AKT3: variants seen among roughly 807,000 people sequenced by gnomAD.
The protein encoded by AKT3 is AKT serine/threonine kinase 3.
In AKT3, 15 loss-of-function variants were observed where a neutral mutation model predicts 65.3. That is an observed-to-expected ratio of 0.23 (90% CI 0.15 to 0.35). AKT3 has a LOEUF of 0.35. Among genes scored for constraint, AKT3 ranks in the 10% least tolerant of loss-of-function variants. The probability of loss-of-function intolerance (pLI) is 1.00; values close to 1 mark genes in which losing one functional copy is unlikely to be tolerated. For missense variants in AKT3, 243 were observed against 576.5 expected (o/e 0.42, Z 5.92); for synonymous variants, 206 against 183.8 (o/e 1.12, Z -0.98).
intron 6 of AKT3, among the ~76,000 whole-genome samples, chr1:243,628,293 T>C (rs1409723797): frequency 2.6e-5 from 4 of 152,058 alleles, no homozygotes; most frequent in East Asian, 1.9e-4. Context: ...CCATATTCAA[T>C]AGAAGAAAAC....
intron 8 of AKT3, among the ~76,000 whole-genome samples, chr1:243,585,972 T>G (rs1675770506): frequency 6.6e-6 from 1 of 152,182 alleles, no homozygotes; most frequent in South Asian, 2.1e-4. Flanking sequence ...AAAATATTCA[T>G]AAACTATCTG....
intron 2 of AKT3, among the ~76,000 whole-genome samples, chr1:243,742,528 G>A (rs1186631979): frequency 2.0e-5 from 3 of 152,156 alleles, no homozygotes; most frequent in African/African-American, 4.8e-5. Flanking sequence ...GGGAGGCTGA[G>A]GCAGGATAAT....
intron 2 of AKT3, among the ~76,000 whole-genome samples, chr1:243,803,141 A>T (rs1370645028): frequency 6.6e-6 from 1 of 152,180 alleles, no homozygotes. Flanking sequence ...CCCTGTCTCA[A>T]TAATTTTTTT....
At position 243,711,179 on chromosome 1, in the gene AKT3, T is replaced by A. The variant is rs138384432; in HGVS notation, c.47-15463A>T. The stretch of plus-strand genomic sequence containing the variant: ...ACTAAAAATACAAAAATTAGCCAGG[T>A]GTGGTGGCACGTGCCTGTAGTCCCA... On this transcript the variant is annotated intron_variant, in intron 2 of 13. Transcript: ENST00000673466. 5.3e-5 allele frequency among the ~76,000 whole-genome samples: 8 copies of A among 151,878 alleles called. No homozygotes were observed. In the East Asian group the frequency reaches 1.6e-3, roughly 30 times the overall value.
intron 13 of AKT3, among the ~76,000 whole-genome samples, chr1:243,508,952 G>A (rs1337625280): frequency 6.6e-6 from 1 of 152,022 alleles, no homozygotes; most frequent in African/African-American, 2.4e-5. Context: ...GATTACAGGT[G>A]TGCACCACTG....
intron 2 of AKT3, among the ~76,000 whole-genome samples, chr1:243,746,873 T>C (rs1336626641): frequency 6.7e-6 from 1 of 150,046 alleles, no homozygotes; most frequent in African/African-American, 2.4e-5. Flanking sequence ...TGGAGAATTC[T>C]TATTGTCATG....
chr1:243,570,768 T>A (rs775039502), intron 9 of AKT3, among the ~76,000 whole-genome samples: 4 of 152,238 alleles, frequency 2.6e-5, no homozygotes, highest in Admixed American at 1.3e-4. Context: ...TGGATTTTTC[T>A]AGGTGTACCT....
At position 243,499,954 on chromosome 1, in the gene AKT3, C is replaced by A; in HGVS notation, c.*5295G>T. The stretch of plus-strand genomic sequence containing the variant: ...GGCGCTGTCCCCGCACGCAGTCGGG[C>A]TGGAGCTGGAGTCTGACTCTAGCTG... On this transcript the variant is annotated 3_prime_UTR_variant, in exon 14 of 14. Transcript: ENST00000673466. 1.5e-6 allele frequency: 1 copy of A among 671,566 alleles called. No individual in the cohort carries two copies. Among genetic ancestry groups the A allele is most frequent in the Non-Finnish European group, 2.7e-6 (1 of 370,340 alleles). 41.6% of individuals were successfully genotyped at this position (671,566 alleles called of 1,614,324 possible). A position where few individuals can be genotyped will look rare whatever the true frequency, so the allele number is the denominator to read the frequency against.
At chr1:243,632,205 A>G (rs1679658772) in intron 6 of AKT3, among the ~76,000 whole-genome samples, 1 of 152,304 alleles carries the variant, frequency 6.6e-6, no homozygotes, top group East Asian at 1.9e-4. Context: ...GTCTATTACA[A>G]AATGTATTTC....
intron 2 of AKT3, among the ~76,000 whole-genome samples, chr1:243,797,967 C>T (rs1227318549): frequency 6.7e-6 from 1 of 150,068 alleles, no homozygotes; most frequent in African/African-American, 2.4e-5. Flanking sequence ...ACTAAAAGCT[C>T]CACCTCCTGG....
chr1:243,768,009 T>C (rs1044261693), intron 2 of AKT3, among the ~76,000 whole-genome samples: 1 of 151,582 alleles, frequency 6.6e-6, no homozygotes, highest in Non-Finnish European at 1.5e-5. Flanking sequence ...GGGAAAAAAA[T>C]AAAGCATAAA....
intron 6 of AKT3, among the ~76,000 whole-genome samples, chr1:243,622,710 A>G (rs913436464): frequency 1.3e-5 from 2 of 152,258 alleles, no homozygotes; most frequent in African/African-American, 4.8e-5. Flanking sequence ...TCCCAATAGA[A>G]CAATGACAGT....
intron 3 of AKT3, among the ~76,000 whole-genome samples, chr1:243,689,446 A>T (rs1361819989): frequency 6.7e-6 from 1 of 150,312 alleles, no homozygotes; most frequent in Non-Finnish European, 1.5e-5. Flanking sequence ...ATTTTTCTAC[A>T]TATTTAAAAT....
intron 8 of AKT3, among the ~76,000 whole-genome samples, chr1:243,592,629 G>T (rs1184173282): frequency 6.6e-6 from 1 of 152,066 alleles, no homozygotes; most frequent in Non-Finnish European, 1.5e-5. Flanking sequence ...AAAATGAGAG[G>T]AAAATAAAGC....
chr1:243,773,890 A>G (rs1013291879), intron 2 of AKT3, among the ~76,000 whole-genome samples: 1 of 152,228 alleles, frequency 6.6e-6, no homozygotes, highest in Non-Finnish European at 1.5e-5. Context: ...TGGACTTTCA[A>G]GAGTCCCAAT....
intron 6 of AKT3, among the ~76,000 whole-genome samples, chr1:243,615,404 A>G (rs1021727369): frequency 6.6e-6 from 1 of 152,192 alleles, no homozygotes; most frequent in Non-Finnish European, 1.5e-5. Flanking sequence ...ATCAAAGTAT[A>G]TCAATAATGA....
chr1:243,493,811 G>A (rs944079618), intron 13 of AKT3, among the ~76,000 whole-genome samples: 2 of 151,834 alleles, frequency 1.3e-5, no homozygotes, highest in Non-Finnish European at 2.9e-5. Flanking sequence ...ATAGAAGAGA[G>A]CCGAAAACAA....
chr1:243,738,727 A>C (rs932151777), intron 2 of AKT3, among the ~76,000 whole-genome samples: 1 of 152,244 alleles, frequency 6.6e-6, no homozygotes, highest in Admixed American at 6.5e-5. Context: ...TTTAGTGTTC[A>C]GTTACAATCT....
intron 2 of AKT3, among the ~76,000 whole-genome samples, chr1:243,840,485 C>T (rs1695173227): frequency 1.3e-5 from 2 of 152,142 alleles, no homozygotes; most frequent in South Asian, 4.1e-4. Context: ...GCACGTTCTG[C>T]ACATGTATCC....
Sources: gnomAD v4.1 joint callset for allele counts (sites outside exome capture counted in the v4.1 genomes callset) on GRCh38, gnomAD v4.1.1 for gene constraint, MANE v1.5 for transcripts, NCBI Gene and HGNC (gene_info 2026-07-23, HGNC 2026-07-21) for gene names.